DENND5B: variants seen among roughly 807,000 people sequenced by gnomAD.
DENND5B encodes DENN domain-containing protein 5B.
DENND5B carries 34 observed loss-of-function variants against 140.6 expected under a neutral mutation model. That is an observed-to-expected ratio of 0.24 (90% CI 0.18 to 0.32). The LOEUF (loss-of-function observed/expected upper bound fraction) is 0.32, where lower values mean the gene tolerates loss of function less well. Among genes scored for constraint, DENND5B ranks in the 10% least tolerant of loss-of-function variants. DENND5B has a pLI of 1.00. For synonymous variants in DENND5B, 551 were observed against 562.1 expected, an observed-to-expected ratio of 0.98 and a Z score of 0.28; for missense variants, 1,142 against 1,560.2, an observed-to-expected ratio of 0.73 and a Z score of 4.52.
intron 4 of DENND5B, among the ~76,000 whole-genome samples, chr12:31,455,350 G>A (rs916722860): frequency 6.6e-6 from 1 of 152,138 alleles, no homozygotes; most frequent in Non-Finnish European, 1.5e-5. Flanking sequence ...CTACAAAGTA[G>A]GAGTTCCAAC....
In DENND5B at chr12:31,382,451, A is replaced by G. The variant is rs1940673835; in HGVS notation, c.*5152T>C. The G allele has an allele frequency of 6.6e-6, 1 of 152,156 alleles. No homozygotes were observed. Among genetic ancestry groups the G allele is most frequent in the Non-Finnish European group, 1.5e-5 (1 of 67,996 alleles). 9.4% of individuals were successfully genotyped at this position (152,156 alleles called of 1,614,324 possible). A position where few individuals can be genotyped will look rare whatever the true frequency, so the allele number is the denominator to read the frequency against. ...AAAAACAATATAATTTAAATTCAGA[A>G]AAGCTAATTAAAAAAAAGATACACA... On this transcript the variant is annotated 3_prime_UTR_variant, in exon 21 of 21. Transcript: ENST00000389082.
intron 1 of DENND5B, among the ~76,000 whole-genome samples, chr12:31,513,217 A>G (rs1406195257): frequency 6.6e-6 from 1 of 152,236 alleles, no homozygotes; most frequent in Non-Finnish European, 1.5e-5. Context: ...TCATCACTTA[A>G]TATCAATGAT....
chr12:31,512,341 A>G (rs1485975707), intron 1 of DENND5B, among the ~76,000 whole-genome samples: 1 of 150,330 alleles, frequency 6.7e-6, no homozygotes, highest in Non-Finnish European at 1.5e-5. Context: ...CTCAGCCTCC[A>G]GAGTAGCTGG....
At chr12:31,473,539 T>C (rs952031893) in intron 3 of DENND5B, among the ~76,000 whole-genome samples, 7 of 152,168 alleles carry the variant, frequency 4.6e-5, no homozygotes, top group Non-Finnish European at 1.0e-4. Flanking sequence ...GGAGCACTGG[T>C]ACAGACAAAT....
chr12:31,410,902 T>A (rs1942416479), intron 13 of DENND5B, among the ~76,000 whole-genome samples: 1 of 152,196 alleles, frequency 6.6e-6, no homozygotes, highest in African/African-American at 2.4e-5. Flanking sequence ...ATCGCACATA[T>A]AGTGTATCTT....
rs141910175 is a variant in DENND5B at position 31,448,906 on chromosome 12, G to A, written c.1630-1137C>T. 4.2e-3 allele frequency among the ~76,000 whole-genome samples: 634 copies of A among 152,298 alleles called. 5 individuals are homozygous for A. Among genetic ancestry groups the A allele is most frequent in the African/African-American group, 0.014 (577 of 41,576 alleles). ...GAAAAACCATCAGAAGCAAGCCTTT[G>A]GAGAACGAGTACAATAAGCTGTACA... is the stretch of plus-strand genomic sequence containing the variant. On this transcript the variant is annotated intron_variant, in intron 5 of 20. Coordinates refer to ENST00000389082, the MANE Select transcript of DENND5B (RefSeq NM_144973.4).
chr12:31,584,413 G>C (rs752303142), intron 1 of DENND5B, among the ~76,000 whole-genome samples: 3 of 152,198 alleles, frequency 2.0e-5, no homozygotes, highest in Admixed American at 1.3e-4. Flanking sequence ...ACTATAAAGA[G>C]TTTTATTTCC....
intron 1 of DENND5B, among the ~76,000 whole-genome samples, chr12:31,575,067 T>C (rs1949963299): frequency 6.6e-6 from 1 of 152,198 alleles, no homozygotes; most frequent in Non-Finnish European, 1.5e-5. Flanking sequence ...GCAAGAATAT[T>C]TTGAAATCCT....
At chr12:31,548,113 C>T (rs1211436198) in intron 1 of DENND5B, among the ~76,000 whole-genome samples, 1 of 152,028 alleles carries the variant, frequency 6.6e-6, no homozygotes, top group Non-Finnish European at 1.5e-5. Flanking sequence ...AGAATCCAGC[C>T]AGGCACAGTG....
In DENND5B at chr12:31,511,947, G is replaced by A. The variant is rs200310039; in HGVS notation, c.128-16028C>T. 1.4e-4 allele frequency among the ~76,000 whole-genome samples: 9 copies of A among 64,114 alleles called. No individual in the cohort carries two copies. In the South Asian group the frequency reaches 2.3e-3, roughly 17 times the overall value. 42.1% of individuals were successfully genotyped at this position (64,114 alleles called of 152,430 possible). A position where few individuals can be genotyped will look rare whatever the true frequency, so the allele number is the denominator to read the frequency against. ...TTTTTTTTTTTTTTTTTTTTGTGAC[G>A]GAGTCTCGCTCTATTGCCTAGGTTG... On this transcript the variant is annotated intron_variant, in intron 1 of 20. Transcript: ENST00000389082.
In DENND5B at chr12:31,479,743, A is replaced by C. The variant is rs1167920472; in HGVS notation, c.750T>G (p.Val250=). 6.2e-7 allele frequency: 1 copy of C among 1,603,134 alleles called. No homozygotes were observed. Among genetic ancestry groups the C allele is most frequent in the South Asian group, 1.1e-5 (1 of 89,120 alleles). Residue 250 remains valine (V), a synonymous_variant, in exon 3 of 21, where the codon GTT becomes GTG. Coordinates refer to ENST00000389082, the MANE Select transcript of DENND5B (RefSeq NM_144973.4). ...GCCTCTGGCAGATGACAGGTTCATA[A>C]ACACCATAAAATTTCAGTGACCTCC... ...PPGRSLKFYG[V]YEPVICQRPG... is the part of the protein sequence containing the mutation.
chr12:31,438,686 A>AT (rs1165668601), intron 7 of DENND5B, among the ~76,000 whole-genome samples: 2 of 151,956 alleles, frequency 1.3e-5, no homozygotes, highest in African/African-American at 4.8e-5. Context: ...AACAAACAAA[A>AT]TGTACAAAGA....
intron 1 of DENND5B, among the ~76,000 whole-genome samples, chr12:31,542,255 T>A (rs1948703462): frequency 6.9e-6 from 1 of 144,588 alleles, no homozygotes; most frequent in South Asian, 2.2e-4. Context: ...ACCACTGCAC[T>A]CCAGCCTGGG....
chr12:31,451,912 A>T (rs1385943792), intron 5 of DENND5B, 28 bp downstream of exon 5: 1 of 1,610,272 alleles, frequency 6.2e-7, no homozygotes, highest in South Asian at 1.1e-5. Flanking sequence ...ACTAATAACC[A>T]CAAAAGGAAA....
chr12:31,469,854 C>G (rs1945460609), intron 3 of DENND5B, among the ~76,000 whole-genome samples: 1 of 152,130 alleles, frequency 6.6e-6, no homozygotes, highest in South Asian at 2.1e-4. Context: ...CCATGTGATT[C>G]TGGCTCCCCT....
At chr12:31,424,085 G>A (rs954485471) in intron 10 of DENND5B, among the ~76,000 whole-genome samples, 2 of 151,946 alleles carry the variant, frequency 1.3e-5, no homozygotes, top group Non-Finnish European at 2.9e-5. Context: ...GGCGATAAGA[G>A]AAAAAAATCG....
intron 1 of DENND5B, among the ~76,000 whole-genome samples, chr12:31,569,189 A>G (rs1341940423): frequency 2.0e-5 from 3 of 148,728 alleles, no homozygotes; most frequent in Admixed American, 6.9e-5. Flanking sequence ...ACCTCAGCCT[A>G]CCGAGTAGCT....
intron 1 of DENND5B, among the ~76,000 whole-genome samples, chr12:31,588,009 T>C (rs1489824556): frequency 6.6e-6 from 1 of 152,160 alleles, no homozygotes; most frequent in Non-Finnish European, 1.5e-5. Flanking sequence ...CATCTCAGAG[T>C]TAAAAGCCTA....
Position 31,523,501 on chromosome 12 carries a change from C to A in DENND5B, c.128-27582G>T, listed in dbSNP as rs896609695. On this transcript the variant is annotated intron_variant, in intron 1 of 20. Transcript: ENST00000389082. ...AGTGTAAGGCAACATATCTCTCATACCATTTCACCAAAACAAAACAAAAAA... is the reference window on the plus strand; with the variant it reads ...AGTGTAAGGCAACATATCTCTCATAACATTTCACCAAAACAAAACAAAAAA... 2.0e-5 allele frequency among the ~76,000 whole-genome samples: 3 copies of A among 152,164 alleles called. No individual in the cohort carries two copies. The East Asian group carries it at 5.8e-4, about 29-fold the overall frequency.
Sources: allele counts gnomAD v4.1 joint callset (sites outside exome capture counted in the v4.1 genomes callset), GRCh38; gene constraint gnomAD v4.1.1; transcripts MANE v1.5; gene names NCBI Gene and HGNC (gene_info 2026-07-23, HGNC 2026-07-21).